The following EFCC1 variants were observed in gnomAD, a reference collection of about 807,000 sequenced individuals.
The protein encoded by EFCC1 is EF-hand and coiled-coil domain containing 1.
Under a neutral mutation model 52.1 loss-of-function variants are expected in EFCC1, and 50 were observed. That is an observed-to-expected ratio of 0.96 (90% CI 0.76 to 1.21). The LOEUF (loss-of-function observed/expected upper bound fraction) is 1.21, where lower values mean the gene tolerates loss of function less well. Among genes scored for constraint, EFCC1 ranks in the 50% most tolerant of loss-of-function variants. EFCC1 has a pLI of 0.00. For synonymous variants in EFCC1, 399 were observed against 396.5 expected, an observed-to-expected ratio of 1.01 and a Z score of -0.08; for missense variants, 837 against 867.3, an observed-to-expected ratio of 0.97 and a Z score of 0.44.
At position 129,002,063 on chromosome 3, in the gene EFCC1, C is replaced by T. The variant is rs746289975; in HGVS notation, c.435C>T (p.Phe145=). 8 of 1,538,396 alleles carry T rather than the reference C, an allele frequency of 5.2e-6. No individual in the cohort carries two copies. The highest frequency in any genetic ancestry group is 1.7e-4 in the Middle Eastern group (1 of 5,754). The change falls in exon 1 of 8, where the codon TTC becomes TTT. Residue 145 remains phenylalanine (F), a synonymous_variant. Transcript: ENST00000683648. Reference sequence around the variant, plus strand: ...CGCCGGAGCTCACCTTCCGCCAGTTCCACGCGCGCCTCTGTGGCTACTTCG... The same window carrying T: ...CGCCGGAGCTCACCTTCCGCCAGTTTCACGCGCGCCTCTGTGGCTACTTCG... The part of the protein sequence containing the change: ...AEPPELTFRQ[F]HARLCGYFGT...
At chr3:129,022,898 A>G (rs1339065991) in intron 2 of EFCC1, among the ~76,000 whole-genome samples, 1 of 152,230 alleles carries the variant, frequency 6.6e-6, no homozygotes, top group East Asian at 1.9e-4. Flanking sequence ...GGCCTTTGCC[A>G]TACTTTTCCA....
At chr3:129,022,017 G>T (rs930521615) in intron 2 of EFCC1, among the ~76,000 whole-genome samples, 1 of 152,210 alleles carries the variant, frequency 6.6e-6, no homozygotes, top group African/African-American at 2.4e-5. Flanking sequence ...GGCAGAGGTG[G>T]CCGGGGCAGG....
chr3:129,027,170 T>C (rs969217770), intron 2 of EFCC1, among the ~76,000 whole-genome samples: 5 of 151,948 alleles, frequency 3.3e-5, no homozygotes, highest in African/African-American at 1.2e-4. Flanking sequence ...ACGCTCCTTG[T>C]GTTTCATTGG....
Position 129,022,063 on chromosome 3 carries a change from C to T in EFCC1, c.981-8640C>T, listed in dbSNP as rs76293494. Reference sequence around the variant, plus strand: ...TGCTCTCACAGCACCCAGAACTCACCGTGTGCTGGTGTCTAAGCATTTACC... The same window carrying T: ...TGCTCTCACAGCACCCAGAACTCACTGTGTGCTGGTGTCTAAGCATTTACC... On this transcript the variant is annotated intron_variant, in intron 2 of 7. Transcript: ENST00000683648. 9.1e-3 allele frequency among the ~76,000 whole-genome samples: 1,383 copies of T among 152,250 alleles called. 29 individuals are homozygous for T. The highest frequency in any genetic ancestry group is 0.031 in the African/African-American group (1,291 of 41,524).
chr3:129,028,149 A>C (rs1171269926), intron 2 of EFCC1, among the ~76,000 whole-genome samples: 1 of 148,378 alleles, frequency 6.7e-6, no homozygotes, highest in Non-Finnish European at 1.5e-5. Context: ...CAGTGGTGCG[A>C]TCTAGGTTAC....
intron 2 of EFCC1, among the ~76,000 whole-genome samples, chr3:129,008,888 G>T (rs1461443540): frequency 6.6e-6 from 1 of 151,888 alleles, no homozygotes; most frequent in Non-Finnish European, 1.5e-5. Flanking sequence ...CCCACAGCTG[G>T]TCTCCACTCA....
rs1462615199 is a variant in EFCC1, at chr3:129,001,846, G to A, written c.218G>A (p.Arg73His). ...CACCTGGACTGCCGCGGCGCCGGCCGTCTGCCCCGCGCCGACTTCCGAGCG... is the reference window on the plus strand; with the variant it reads ...CACCTGGACTGCCGCGGCGCCGGCCATCTGCCCCGCGCCGACTTCCGAGCG... Reference protein sequence around the residue: ...FHHLDCRGAGRLPRADFRALC... With the variant: ...FHHLDCRGAGHLPRADFRALC... The change falls in exon 1 of 8, where the codon CGT (arginine) becomes CAT (histidine). Residue 73 changes from arginine to histidine, a missense_variant. Arg to His is a conservative substitution (Grantham distance 29). Transcript: ENST00000683648. The A allele has an allele frequency of 3.2e-6, 5 of 1,545,666 alleles. No homozygotes were observed. The highest frequency in any genetic ancestry group is 2.4e-5 in the South Asian group (2 of 83,536).
At chr3:129,024,014 G>A (rs1002506431) in intron 2 of EFCC1, among the ~76,000 whole-genome samples, 3 of 152,154 alleles carry the variant, frequency 2.0e-5, no homozygotes, top group African/African-American at 7.2e-5. Flanking sequence ...CCCTGGCCTG[G>A]CCTTTCCTTG....
In EFCC1 at chr3:129,039,811, C is replaced by T; in HGVS notation, c.1763C>T (p.Ala588Val). Residue 588 changes from alanine (A) to valine (V), a missense_variant, in exon 8 of 8, where the codon GCA (alanine) becomes GTA (valine). Coordinates refer to ENST00000683648, the MANE Select transcript of EFCC1 (RefSeq NM_001377500.1). ...CAGCCCTCGGCACCAGCCTCTGCAG[C>T]AGCTGCGCTCACCAACCCCCTCCTC... ...RRQPSAPASA[A>V]AALTNPLLVS... 1 of 1,611,496 alleles carries T rather than the reference C, an allele frequency of 6.2e-7. No individual in the cohort carries two copies. Among genetic ancestry groups the T allele is most frequent in the African/African-American group, 1.3e-5 (1 of 74,992 alleles).
rs1179196654 is a variant in EFCC1, at chr3:129,039,913, CA to C, written c.*66del. The C allele has an allele frequency of 6.6e-7, 1 of 1,521,384 alleles. No individual in the cohort carries two copies. The highest frequency in any genetic ancestry group is 2.4e-5 in the East Asian group (1 of 41,528). The allele number at this position is 1,521,384 out of a possible 1,614,324, so 94.2% of individuals were successfully genotyped here. ...CTGCCTTTGGACCAGCCTCCATGATCAGCCCAACCACTGACAGCTGGTCTGA... is the reference window on the plus strand; with the variant it reads ...CTGCCTTTGGACCAGCCTCCATGATCGCCCAACCACTGACAGCTGGTCTGA... On this transcript the variant is annotated 3_prime_UTR_variant, in exon 8 of 8. Coordinates refer to ENST00000683648, the MANE Select transcript of EFCC1 (RefSeq NM_001377500.1).
intron 2 of EFCC1, among the ~76,000 whole-genome samples, chr3:129,028,081 CTTT>C (rs11333801): frequency 4.2e-5 from 6 of 144,102 alleles, no homozygotes; most frequent in African/African-American, 1.0e-4. Context: ...CCATTTCATT[CTTT>C]TTTTTTTTTT....
chr3:129,010,266 G>T lies in EFCC1; in HGVS notation c.980+6189G>T, dbSNP rs1945260179. On this transcript the variant is annotated intron_variant, in intron 2 of 7. Transcript: ENST00000683648. The surrounding 1 kb of genome is among the most constrained non-coding windows in gnomAD (Gnocchi z 4.3). ...GAAACCGCCCATATCTCAACCAGTT[G>T]CCTGGCCTGGCCCCCTACCCTGCTC... Among the ~76,000 whole-genome samples, 1 of 152,256 alleles carries T rather than the reference G, an allele frequency of 6.6e-6. No homozygotes were observed. The highest frequency in any genetic ancestry group is 2.1e-4 in the South Asian group (1 of 4,832).
At chr3:129,029,699 C>T (rs951791203) in intron 2 of EFCC1, among the ~76,000 whole-genome samples, 1 of 151,632 alleles carries the variant, frequency 6.6e-6, no homozygotes, top group African/African-American at 2.4e-5. Context: ...ATTCTCCTGC[C>T]TCAGCCTCCC....
At position 129,039,665 on chromosome 3, in the gene EFCC1, A is replaced by C. The variant is rs1231801288; in HGVS notation, c.1664-47A>C. ...GGAGGGACAGTGGCTCTGTGGGTGA[A>C]GGTGAGCAGACTGATCCTGCCCTCC... On this transcript the variant is annotated intron_variant, in intron 7 of 7. Coordinates refer to ENST00000683648, the MANE Select transcript of EFCC1 (RefSeq NM_001377500.1). 4.6e-6 allele frequency: 7 copies of C among 1,536,548 alleles called. No homozygotes were observed. In the South Asian group the frequency reaches 4.9e-5, roughly 11 times the overall value.
At chr3:129,033,292 C>CA (rs1398031481) in intron 4 of EFCC1, among the ~76,000 whole-genome samples, 2 of 152,212 alleles carry the variant, frequency 1.3e-5, no homozygotes, top group Admixed American at 1.3e-4. Context: ...CCTCGCCACA[C>CA]ACCATTTCCA....
At chr3:129,023,411 C>A (rs1211896188) in intron 2 of EFCC1, among the ~76,000 whole-genome samples, 1 of 151,734 alleles carries the variant, frequency 6.6e-6, no homozygotes, top group African/African-American at 2.4e-5. Flanking sequence ...TCACTGCAAG[C>A]TCTGCCTCCT....
intron 2 of EFCC1, among the ~76,000 whole-genome samples, chr3:129,013,824 CA>C (rs1173418663): frequency 6.6e-6 from 1 of 152,322 alleles, no homozygotes; most frequent in Admixed American, 6.5e-5. Context: ...GAACAGTAGT[CA>C]GGGGGCTGGA....
At chr3:129,034,525 A>T (rs1946332812) in intron 5 of EFCC1, among the ~76,000 whole-genome samples, 196 bp downstream of exon 5, 1 of 152,212 alleles carries the variant, frequency 6.6e-6, no homozygotes, top group Non-Finnish European at 1.5e-5. Context: ...ACCTCAAATT[A>T]GCTTGATTGC....
intron 2 of EFCC1, among the ~76,000 whole-genome samples, chr3:129,015,874 T>C (rs1189585629): frequency 6.6e-6 from 1 of 151,726 alleles, no homozygotes; most frequent in Non-Finnish European, 1.5e-5. Flanking sequence ...GGAAACGCCA[T>C]GCAGCAAAGG....
Sources: allele counts gnomAD v4.1 joint callset (sites outside exome capture counted in the v4.1 genomes callset), GRCh38; gene constraint gnomAD v4.1.1; non-coding constraint Gnocchi (gnomAD v3.1); transcripts MANE v1.5; gene names NCBI Gene and HGNC (gene_info 2026-07-23, HGNC 2026-07-21).